Variants in ELAPOR2 observed in about 807,000 individuals in gnomAD.
ELAPOR2 encodes the protein endosome-lysosome associated apoptosis and autophagy regulator family member 2.
A neutral mutation model predicts 120.7 loss-of-function variants in ELAPOR2; 89 were observed. The ratio of observed to expected loss-of-function variants is 0.74; its 90% CI spans 0.62 to 0.88. The LOEUF (loss-of-function observed/expected upper bound fraction) is 0.88, where lower values mean the gene tolerates loss of function less well. Among genes scored for constraint, ELAPOR2 ranks in the 40% least tolerant of loss-of-function variants. ELAPOR2 has a pLI of 0.00. For missense variants in ELAPOR2, 1,134 were observed against 1,251.6 expected, an observed-to-expected ratio of 0.91 and a Z score of 1.42; for synonymous variants, 444 against 444.9, an observed-to-expected ratio of 1.00 and a Z score of 0.03.
In ELAPOR2 at chr7:87,015,585, G is replaced by A. The variant is rs967283041; in HGVS notation, c.189+43740C>T. On this transcript the variant is annotated intron_variant, in intron 1 of 21. Coordinates refer to ENST00000450689, the MANE Select transcript of ELAPOR2 (RefSeq NM_001142749.3). The stretch of plus-strand genomic sequence containing the variant: ...GTGGATCACATGAGGCCAGGAGCTC[G>A]AGACCAGCCTAGCCAACATGGTGAA... 8.5e-5 allele frequency among the ~76,000 whole-genome samples: 13 copies of A among 152,060 alleles called. No homozygotes were observed. The East Asian group carries it at 1.7e-3, about 20-fold the overall frequency.
intron 1 of ELAPOR2, among the ~76,000 whole-genome samples, chr7:87,022,933 T>C (rs1794108054): frequency 6.6e-6 from 1 of 152,160 alleles, no homozygotes; most frequent in Non-Finnish European, 1.5e-5. Flanking sequence ...GTTGTTTTTT[T>C]CTTGTAAATT....
intron 1 of ELAPOR2, among the ~76,000 whole-genome samples, chr7:86,967,319 G>A (rs1278955825): frequency 6.6e-6 from 1 of 152,058 alleles, no homozygotes; most frequent in East Asian, 1.9e-4. Flanking sequence ...AATTAGCCGG[G>A]CGTGGTGGTG....
intron 3 of ELAPOR2, among the ~76,000 whole-genome samples, chr7:86,946,527 C>T (rs1289081172): frequency 1.3e-5 from 2 of 152,088 alleles, no homozygotes; most frequent in Non-Finnish European, 2.9e-5. Flanking sequence ...CCTGGGATTA[C>T]GGGCACCTGC....
chr7:86,999,406 A>G (rs1417409057), intron 1 of ELAPOR2, among the ~76,000 whole-genome samples: 1 of 152,182 alleles, frequency 6.6e-6, no homozygotes, highest in Non-Finnish European at 1.5e-5. Flanking sequence ...ATACCCCATC[A>G]GTAATTTTTC....
chr7:86,929,672 A>G (rs1790237301), intron 8 of ELAPOR2, among the ~76,000 whole-genome samples: 1 of 151,494 alleles, frequency 6.6e-6, no homozygotes, highest in Non-Finnish European at 1.5e-5. Flanking sequence ...CTCTTTTCCC[A>G]TGTGTTTACC....
intron 1 of ELAPOR2, among the ~76,000 whole-genome samples, chr7:87,020,389 G>A (rs1793999929): frequency 6.6e-6 from 1 of 152,076 alleles, no homozygotes; most frequent in Non-Finnish European, 1.5e-5. Context: ...ACCATCAATG[G>A]ATGAATGTAA....
intron 1 of ELAPOR2, among the ~76,000 whole-genome samples, chr7:87,021,691 T>C (rs1324611610): frequency 6.6e-6 from 1 of 152,202 alleles, no homozygotes; most frequent in East Asian, 1.9e-4. Flanking sequence ...TAATCATTTA[T>C]ACTCTCACCT....
intron 1 of ELAPOR2, among the ~76,000 whole-genome samples, chr7:86,996,798 C>T (rs1793139333): frequency 6.6e-6 from 1 of 152,132 alleles, no homozygotes; most frequent in African/African-American, 2.4e-5. Context: ...TACGCCATGG[C>T]TATCACTCCT....
At chr7:87,041,359 G>A (rs1343893764) in intron 1 of ELAPOR2, among the ~76,000 whole-genome samples, 2 of 152,148 alleles carry the variant, frequency 1.3e-5, no homozygotes. Flanking sequence ...AGGGCAGCCA[G>A]AGAGAAAGGT....
chr7:86,972,628 T>C (rs1426995817), intron 1 of ELAPOR2, among the ~76,000 whole-genome samples: 1 of 150,948 alleles, frequency 6.6e-6, no homozygotes, highest in South Asian at 2.1e-4. Flanking sequence ...AATGGAACTA[T>C]GTAAACAGCT....
intron 1 of ELAPOR2, among the ~76,000 whole-genome samples, chr7:86,978,166 T>C (rs1792343249): frequency 1.3e-5 from 2 of 152,182 alleles, no homozygotes; most frequent in Admixed American, 1.3e-4. Flanking sequence ...CTGATGGTTT[T>C]ATAAGCATCT....
At chr7:86,984,034 G>T (rs559001235) in intron 1 of ELAPOR2, among the ~76,000 whole-genome samples, 45 of 152,262 alleles carry the variant, frequency 3.0e-4, no homozygotes, top group African/African-American at 1.0e-3. Context: ...AAAAGCAGGG[G>T]TTGCAATCCT....
At chr7:86,892,812 T>C in intron 20 of ELAPOR2, 110 bp downstream of exon 20, 1 of 1,003,892 alleles carries the variant, frequency 1.0e-6, no homozygotes, top group Non-Finnish European at 1.3e-6. Flanking sequence ...AAGGAGAAAA[T>C]TCTTGTGTCT....
At chr7:86,943,758 A>G (rs1289929447) in intron 4 of ELAPOR2, among the ~76,000 whole-genome samples, 1 of 152,046 alleles carries the variant, frequency 6.6e-6, no homozygotes, top group Non-Finnish European at 1.5e-5. Flanking sequence ...GGAATTGTTC[A>G]CTCTCAGAAG....
intron 1 of ELAPOR2, among the ~76,000 whole-genome samples, chr7:87,021,644 C>G (rs1404657281): frequency 6.6e-6 from 1 of 152,160 alleles, no homozygotes; most frequent in African/African-American, 2.4e-5. Flanking sequence ...TTTTAAAGCT[C>G]TTGATAAATA....
intron 1 of ELAPOR2, among the ~76,000 whole-genome samples, chr7:87,023,573 TTAAAG>T (rs1794137085): frequency 6.6e-6 from 1 of 152,174 alleles, no homozygotes; most frequent in Non-Finnish European, 1.5e-5. Context: ...CATATTAACT[TTAAAG>T]TAGTTTTTTC....
At chr7:86,913,235 T>C (rs770983764) in intron 13 of ELAPOR2, 31 bp from the exon 14 acceptor site, 3 of 1,603,874 alleles carry the variant, frequency 1.9e-6, no homozygotes, top group East Asian at 4.5e-5. Flanking sequence ...TAATGACTTC[T>C]GCCTTGGGGC....
intron 18 of ELAPOR2, among the ~76,000 whole-genome samples, chr7:86,901,757 C>G (rs922363009): frequency 5.9e-5 from 9 of 152,260 alleles, no homozygotes; most frequent in Middle Eastern, 3.4e-3. Context: ...GAGCTCCCCA[C>G]GTTGGGGTAT....
intron 19 of ELAPOR2, 22 bp from the exon 20 acceptor site, chr7:86,893,122 A>G: frequency 1.3e-6 from 2 of 1,493,820 alleles, no homozygotes; most frequent in Non-Finnish European, 1.8e-6. Flanking sequence ...AAAACATAAA[A>G]CCATAGAAGA....
Sources: gnomAD v4.1 joint callset for allele counts (sites outside exome capture counted in the v4.1 genomes callset) on GRCh38, gnomAD v4.1.1 for gene constraint, MANE v1.5 for transcripts, NCBI Gene and HGNC (gene_info 2026-07-23, HGNC 2026-07-21) for gene names.